The following TRAPPC12 variants were observed in gnomAD, a reference collection of about 807,000 sequenced individuals.
TRAPPC12 encodes TPR repeat protein 15.
A neutral mutation model predicts 69.2 loss-of-function variants in TRAPPC12; 61 were observed. That is an observed-to-expected ratio of 0.88 (90% confidence interval 0.72 to 1.09). TRAPPC12 has a LOEUF of 1.09. TRAPPC12 is among the 50% of genes least tolerant of loss of function. The probability of loss-of-function intolerance (pLI) is 0.00; values close to 1 mark genes in which losing one functional copy is unlikely to be tolerated. For synonymous variants in TRAPPC12, 469 were observed against 438.9 expected (o/e 1.07, Z -0.86); for missense variants, 1,101 against 1,016.4 (o/e 1.08, Z -1.13).
chr2:3,398,230 T>C lies in TRAPPC12; in HGVS notation c.1048-3547T>C, dbSNP rs554090822. Among the ~76,000 whole-genome samples, 75 of 152,322 alleles carry C rather than the reference T, an allele frequency of 4.9e-4. 1 individual carries two copies. The highest frequency in any genetic ancestry group is 1.8e-3 in the African/African-American group (74 of 41,568). ...GTGATCTGGGATGTATAGCTAGGTG[T>C]GGACTTGCTGGATTCTGTGGTAACT... is the stretch of plus-strand genomic sequence containing the variant. On this transcript the variant is annotated intron_variant, in intron 2 of 11. Transcript: ENST00000324266.
chr2:3,435,619 C>G (rs868300198), intron 5 of TRAPPC12, among the ~76,000 whole-genome samples: 24 of 152,312 alleles, frequency 1.6e-4, no homozygotes, highest in Middle Eastern at 6.8e-3. Context: ...GAGCACAGCT[C>G]AGCTCCACCT....
chr2:3,394,600 A>G (rs536828560), intron 2 of TRAPPC12, among the ~76,000 whole-genome samples: 85 of 152,056 alleles, frequency 5.6e-4, no homozygotes, highest in African/African-American at 1.9e-3. Context: ...CAGCCTGCGC[A>G]ACAGAGCAGC....
chr2:3,390,163 G>A (rs1051469082), intron 2 of TRAPPC12, among the ~76,000 whole-genome samples: 10 of 152,148 alleles, frequency 6.6e-5, no homozygotes, highest in South Asian at 2.1e-4. Flanking sequence ...AGGTTTCACC[G>A]GGGACCGCCC....
chr2:3,443,226 A>G (rs931191584), intron 5 of TRAPPC12, among the ~76,000 whole-genome samples: 2 of 152,214 alleles, frequency 1.3e-5, no homozygotes, highest in East Asian at 3.9e-4. Context: ...CGCAGGCTCC[A>G]GGGCCACATG....
At chr2:3,389,281 G>A (rs575088278) in intron 2 of TRAPPC12, among the ~76,000 whole-genome samples, 5 of 152,336 alleles carry the variant, frequency 3.3e-5, no homozygotes, top group Middle Eastern at 3.4e-3. Context: ...TAGGCCTGCC[G>A]GGCCGCACCT....
intron 3 of TRAPPC12, among the ~76,000 whole-genome samples, chr2:3,410,169 T>G (rs896864759): frequency 6.6e-6 from 1 of 152,270 alleles, no homozygotes; most frequent in Non-Finnish European, 1.5e-5. Context: ...CCAATCGATA[T>G]TAACCAGTAA....
At chr2:3,419,739 C>T (rs1033206610) in intron 3 of TRAPPC12, among the ~76,000 whole-genome samples, 1 of 152,016 alleles carries the variant, frequency 6.6e-6, no homozygotes, top group African/African-American at 2.4e-5. Flanking sequence ...GCCGTGGAGG[C>T]CAGTACTCAC....
intron 6 of TRAPPC12, among the ~76,000 whole-genome samples, chr2:3,453,647 A>T (rs1375572848): frequency 2.0e-5 from 3 of 152,112 alleles, no homozygotes; most frequent in Non-Finnish European, 4.4e-5. Flanking sequence ...TCTGGGACAC[A>T]AACACGGGAC....
At chr2:3,390,006 T>C (rs1034619663) in intron 2 of TRAPPC12, among the ~76,000 whole-genome samples, 1 of 151,640 alleles carries the variant, frequency 6.6e-6, no homozygotes, top group African/African-American at 2.4e-5. Context: ...AAAAAACCAG[T>C]TGGGGAAGGG....
At chr2:3,449,152 A>G (rs919364276) in intron 6 of TRAPPC12, 6 of 152,262 alleles carry the variant, frequency 3.9e-5, no homozygotes, top group African/African-American at 1.2e-4. Context: ...CAGTGCCGCC[A>G]TCCTCTGACC....
chr2:3,444,248 G>A (rs535979860), intron 6 of TRAPPC12, among the ~76,000 whole-genome samples: 11 of 152,356 alleles, frequency 7.2e-5, no homozygotes, highest in East Asian at 3.9e-4. Flanking sequence ...CACCTGCCAC[G>A]TGCAGACAGA....
intron 6 of TRAPPC12, chr2:3,456,012 C>G (rs1045270150): frequency 6.6e-6 from 1 of 152,174 alleles, no homozygotes; most frequent in Non-Finnish European, 1.5e-5. Flanking sequence ...CATGGTAACA[C>G]CAAGCCTTTC....
intron 6 of TRAPPC12, 45 bp from the exon 7 acceptor site, chr2:3,457,576 A>C (rs746909630): frequency 2.1e-5 from 32 of 1,550,414 alleles, no homozygotes; most frequent in Non-Finnish European, 2.7e-5. Flanking sequence ...CTTAGACAAA[A>C]ATTGGTTCCC....
At position 3,401,744 on chromosome 2, in the gene TRAPPC12, T is replaced by G. The variant is rs564149252; in HGVS notation, c.1048-33T>G. Reference sequence around the variant, plus strand: ...TAGCTGAGTTTAGTTGACATTTTATTGTCTTGACATATTTTTCTTCTATTC... The same window carrying G: ...TAGCTGAGTTTAGTTGACATTTTATGGTCTTGACATATTTTTCTTCTATTC... On this transcript the variant is annotated intron_variant, in intron 2 of 11. Coordinates refer to ENST00000324266, the MANE Select transcript of TRAPPC12 (RefSeq NM_016030.6). 52 of 1,431,476 alleles carry G rather than the reference T, an allele frequency of 3.6e-5. No homozygotes were observed. The East Asian group carries it at 1.1e-3, about 31-fold the overall frequency. 88.7% of individuals were successfully genotyped at this position (1,431,476 alleles called of 1,614,324 possible). A position where few individuals can be genotyped will look rare whatever the true frequency, so the allele number is the denominator to read the frequency against.
chr2:3,405,396 G>A (rs1205032251), intron 3 of TRAPPC12, among the ~76,000 whole-genome samples: 5 of 152,058 alleles, frequency 3.3e-5, no homozygotes, highest in Non-Finnish European at 5.9e-5. Context: ...AGTTGCTGGT[G>A]TTGGTTTTGC....
At chr2:3,391,173 T>C (rs2103440019) in intron 2 of TRAPPC12, among the ~76,000 whole-genome samples, 1 of 152,310 alleles carries the variant, frequency 6.6e-6, no homozygotes. Flanking sequence ...CATATGGCAC[T>C]GTACATGACG....
At chr2:3,386,331 G>GT (rs1660490001) in intron 1 of TRAPPC12, among the ~76,000 whole-genome samples, 1 of 152,182 alleles carries the variant, frequency 6.6e-6, no homozygotes, top group African/African-American at 2.4e-5. Context: ...ACTACATAAA[G>GT]TAAAAGTTTT....
chr2:3,460,950 C>G (rs1451158348), intron 8 of TRAPPC12: 1 of 152,790 alleles, frequency 6.5e-6, no homozygotes, highest in Non-Finnish European at 1.5e-5. Flanking sequence ...TCAGGGTGCC[C>G]TGTGTGGAGC....
intron 2 of TRAPPC12, among the ~76,000 whole-genome samples, chr2:3,393,029 G>T (rs571625039): frequency 6.6e-6 from 1 of 152,218 alleles, no homozygotes; most frequent in Non-Finnish European, 1.5e-5. Flanking sequence ...AGGCTCACTT[G>T]AGCCATGGTG....
Sources: allele counts gnomAD v4.1 joint callset (sites outside exome capture counted in the v4.1 genomes callset), GRCh38; gene constraint gnomAD v4.1.1; transcripts MANE v1.5; gene names NCBI Gene and HGNC (gene_info 2026-07-23, HGNC 2026-07-21).